Variants in WARS1 observed in about 807,000 individuals in gnomAD.
WARS1 encodes tryptophan--tRNA ligase, cytoplasmic.
In WARS1, 17 loss-of-function variants were observed where a neutral mutation model predicts 47.8. The ratio of observed to expected loss-of-function variants is 0.36; its 90% CI spans 0.24 to 0.53. WARS1 has a LOEUF of 0.53. Ranked by LOEUF, WARS1 falls within the 20% of genes least tolerant of loss-of-function variation. WARS1 has a pLI of 0.91. For missense variants in WARS1, 434 were observed against 608.0 expected, an observed-to-expected ratio of 0.71 and a Z score of 3.01; for synonymous variants, 208 against 228.1, an observed-to-expected ratio of 0.91 and a Z score of 0.79.
intron 6 of WARS1, among the ~76,000 whole-genome samples, chr14:100,351,918 G>A (rs1011306329): frequency 3.3e-5 from 5 of 151,784 alleles, no homozygotes; most frequent in South Asian, 2.1e-4. Context: ...GTGTGAACCT[G>A]AGAGGCGGAG....
chr14:100,347,725 C>T (rs923531742), intron 6 of WARS1, among the ~76,000 whole-genome samples: 4 of 152,046 alleles, frequency 2.6e-5, no homozygotes, highest in Admixed American at 6.6e-5. Flanking sequence ...TACAGCTGCT[C>T]GCCACCATGC....
chr14:100,349,813 C>G (rs556407073), intron 6 of WARS1, among the ~76,000 whole-genome samples: 3 of 152,336 alleles, frequency 2.0e-5, no homozygotes, highest in South Asian at 4.1e-4. Flanking sequence ...CACCTCCCTC[C>G]CACTCAAAGA....
At chr14:100,347,577 C>A (rs1401586573) in intron 6 of WARS1, among the ~76,000 whole-genome samples, 1 of 152,014 alleles carries the variant, frequency 6.6e-6, no homozygotes, top group Non-Finnish European at 1.5e-5. Flanking sequence ...CCCAGAGTGG[C>A]TTCTTTTTTT....
At chr14:100,362,210 C>G (rs1203108192) in intron 2 of WARS1, among the ~76,000 whole-genome samples, 1 of 152,210 alleles carries the variant, frequency 6.6e-6, no homozygotes, top group African/African-American at 2.4e-5. Flanking sequence ...GGGACAGTAG[C>G]AGTGACACAA....
intron 2 of WARS1, chr14:100,366,116 A>G (rs780175807): frequency 2.2e-6 from 1 of 456,022 alleles, no homozygotes; most frequent in Non-Finnish European, 4.4e-6. Flanking sequence ...ACAGGTGCCT[A>G]GACTGGGGGC....
chr14:100,364,578 GA>G (rs1244436874), intron 2 of WARS1, among the ~76,000 whole-genome samples: 1 of 152,196 alleles, frequency 6.6e-6, no homozygotes, highest in Non-Finnish European at 1.5e-5. Flanking sequence ...ATGTACTTCT[GA>G]ATTTTTCACC....
chr14:100,346,057 A>G (rs553820026), intron 7 of WARS1, among the ~76,000 whole-genome samples: 49 of 152,368 alleles, frequency 3.2e-4, no homozygotes, highest in Middle Eastern at 3.4e-3. Flanking sequence ...CTATGCCTGA[A>G]GCCACGCACC....
rs753456052 is a variant in WARS1 at position 100,369,176 on chromosome 14, T to C, written c.10A>G (p.Ser4Gly). The change falls in exon 2 of 11, where the codon AGT becomes GGT. Residue 4 changes from serine (S) to glycine (G), a missense_variant. Around this residue, in one of 2 missense-constraint regions of WARS1, gnomAD observed 87 missense variants for 84.2 expected, o/e 1.03. Coordinates refer to ENST00000392882, the MANE Select transcript of WARS1 (RefSeq NM_004184.4). MPN[S>G]EPASLLELFN... ...AGCTCCAGCAGAGATGCGGGCTCAC[T>C]GTTGGGCATGTTTGCTATCTCTCAG... 3 of 1,487,154 alleles carry C rather than the reference T, an allele frequency of 2.0e-6. No individual in the cohort carries two copies. Among genetic ancestry groups the C allele is most frequent in the Non-Finnish European group, 2.7e-6 (3 of 1,100,732 alleles). 92.1% of individuals were successfully genotyped at this position (1,487,154 alleles called of 1,614,324 possible). A position where few individuals can be genotyped will look rare whatever the true frequency, so the allele number is the denominator to read the frequency against.
intron 10 of WARS1, 27 bp downstream of exon 10, chr14:100,337,035 T>G (rs1893781286): frequency 6.2e-7 from 1 of 1,603,308 alleles, no homozygotes; most frequent in African/African-American, 1.3e-5. Context: ...AGAAGGCGGC[T>G]GTGGGCCCTT....
intron 7 of WARS1, among the ~76,000 whole-genome samples, chr14:100,345,036 C>T (rs1326343258): frequency 4.0e-5 from 6 of 149,638 alleles, no homozygotes; most frequent in Admixed American, 1.3e-4. Context: ...CCGCCCCGTC[C>T]GGGAGGGAGG....
intron 9 of WARS1, 81 bp from the exon 10 acceptor site, chr14:100,337,283 A>T: frequency 6.4e-7 from 1 of 1,569,200 alleles, no homozygotes. Context: ...CCAAGTGTGG[A>T]AGTCAGAGGT....
chr14:100,352,002 A>G (rs8004757), intron 6 of WARS1, among the ~76,000 whole-genome samples: 5 of 150,064 alleles, frequency 3.3e-5, no homozygotes, highest in African/African-American at 4.9e-5. Flanking sequence ...CAAAAAAAAA[A>G]AGAAAAAGAA....
rs183116269 is a variant in WARS1 at position 100,342,591 on chromosome 14, C to G, written c.940-20G>C. ...AGGATCCTGTGGGGAGAGTAAGGAC[C>G]CTGATGAGGGCGGCCAGAAAACATG... On this transcript the variant is annotated intron_variant, in intron 8 of 10. Coordinates refer to ENST00000392882, the MANE Select transcript of WARS1 (RefSeq NM_004184.4). The G allele has an allele frequency of 5.5e-4, 877 of 1,594,616 alleles. 5 individuals carry two copies. In the African/African-American group the frequency reaches 9.7e-3, roughly 18 times the overall value.
At chr14:100,366,055 G>A (rs956492865) in intron 2 of WARS1, 5 of 455,882 alleles carry the variant, frequency 1.1e-5, no homozygotes, top group Admixed American at 2.4e-5. Context: ...CCAAGGGAGT[G>A]TCACAGTTTC....
At chr14:100,349,571 C>G (rs1490096887) in intron 6 of WARS1, among the ~76,000 whole-genome samples, 1 of 152,204 alleles carries the variant, frequency 6.6e-6, no homozygotes, top group African/African-American at 2.4e-5. Flanking sequence ...TATGCTGCCC[C>G]CCACTAGCAC....
intron 9 of WARS1, among the ~76,000 whole-genome samples, chr14:100,341,278 C>T (rs970853856): frequency 1.3e-5 from 2 of 152,150 alleles, no homozygotes; most frequent in Admixed American, 1.3e-4. Flanking sequence ...TTTCCAATGG[C>T]GCTTCCCTCC....
chr14:100,375,490 A>G (rs1896603570), upstream of WARS1: 1 of 152,244 alleles, frequency 6.6e-6, no homozygotes, highest in Admixed American at 6.5e-5. Flanking sequence ...ATTCTCAGAA[A>G]CACTTGAGCT....
At chr14:100,352,108 CTTTTTT>C (rs1172421175) in intron 6 of WARS1, among the ~76,000 whole-genome samples, 16 of 94,256 alleles carry the variant, frequency 1.7e-4, no homozygotes, top group African/African-American at 5.5e-4. Context: ...CAGTTTCTTT[CTTTTTT>C]TTTTTTTTTT....
In WARS1 at chr14:100,373,034, T is replaced by C. The variant is rs1159268741; in HGVS notation, c.-74+2249A>G. Among the ~76,000 whole-genome samples, 7 of 152,228 alleles carry C rather than the reference T, an allele frequency of 4.6e-5. No homozygotes were observed. Among genetic ancestry groups the C allele is most frequent in the Non-Finnish European group, 8.8e-5 (6 of 68,044 alleles). ...CCTTTGTGATCCCCAAACACTCCTT[T>C]AGTAACTTTATGAAAGCACTCACAC... On this transcript the variant is annotated intron_variant, in intron 1 of 10. Transcript: ENST00000392882. The surrounding 1 kb of genome is among the most constrained non-coding windows in gnomAD (Gnocchi z 4.4).
Sources: gnomAD v4.1 joint callset for allele counts (sites outside exome capture counted in the v4.1 genomes callset) on GRCh38, gnomAD v4.1.1 for gene constraint, gnomAD v4.1.1 regional missense constraint, Gnocchi (gnomAD v3.1) non-coding constraint, MANE v1.5 for transcripts, NCBI Gene and HGNC (gene_info 2026-07-23, HGNC 2026-07-21) for gene names.